Variants in FMNL2 observed in about 807,000 individuals in gnomAD.
FMNL2 encodes the protein formin like 2.
In FMNL2, 51 loss-of-function variants were observed where a neutral mutation model predicts 130.2. The observed-to-expected ratio is 0.39, with a 90% confidence interval of 0.31 to 0.49. The LOEUF (loss-of-function observed/expected upper bound fraction) is 0.49. Among genes scored for constraint, FMNL2 ranks in the 20% least tolerant of loss-of-function variants. The pLI, the probability that FMNL2 is intolerant of heterozygous loss-of-function variation, is 0.85. For synonymous variants in FMNL2, 465 were observed against 467.1 expected, an observed-to-expected ratio of 1.00 and a Z score of 0.06; for missense variants, 977 against 1,316.2, an observed-to-expected ratio of 0.74 and a Z score of 3.99.
intron 4 of FMNL2, among the ~76,000 whole-genome samples, chr2:152,553,986 T>C (rs928157031): frequency 3.3e-5 from 5 of 152,210 alleles, no homozygotes; most frequent in African/African-American, 9.6e-5. Context: ...TTTTAAATGG[T>C]CTTTTCAGAT....
chr2:152,422,227 C>G (rs1444731480), intron 1 of FMNL2, among the ~76,000 whole-genome samples: 1 of 152,200 alleles, frequency 6.6e-6, no homozygotes, highest in Non-Finnish European at 1.5e-5. Context: ...AAACATTCTT[C>G]CCAGAAGCTG....
intron 1 of FMNL2, among the ~76,000 whole-genome samples, chr2:152,360,562 T>C (rs1417156577): frequency 6.6e-6 from 1 of 152,146 alleles, no homozygotes; most frequent in African/African-American, 2.4e-5. Flanking sequence ...TGAAAGTAAA[T>C]ACTCATGGCC....
intron 1 of FMNL2, among the ~76,000 whole-genome samples, chr2:152,346,144 C>T (rs1682108501): frequency 6.6e-6 from 1 of 152,144 alleles, no homozygotes; most frequent in Non-Finnish European, 1.5e-5. Flanking sequence ...CCTGCCTCAG[C>T]CTCCAGAGTG....
intron 10 of FMNL2, among the ~76,000 whole-genome samples, chr2:152,608,420 T>G (rs1314448404): frequency 6.8e-6 from 1 of 147,906 alleles, no homozygotes; most frequent in African/African-American, 2.5e-5. Context: ...ATATGCGTCT[T>G]AGCCCTCAGC....
At chr2:152,389,876 A>G in intron 1 of FMNL2, 14 of 1,027,448 alleles carry the variant, frequency 1.4e-5, no homozygotes, top group Non-Finnish European at 2.1e-5. Context: ...CAGCTGGCAC[A>G]GAAGGCCCGG....
intron 14 of FMNL2, 76 bp downstream of exon 14, chr2:152,619,234 G>T: frequency 6.8e-7 from 1 of 1,463,262 alleles, no homozygotes; most frequent in Non-Finnish European, 9.1e-7. Flanking sequence ...GTCCACTTCT[G>T]TCCTTTGTCC....
intron 1 of FMNL2, among the ~76,000 whole-genome samples, chr2:152,362,756 T>G (rs1319993872): frequency 6.6e-6 from 1 of 152,210 alleles, no homozygotes; most frequent in East Asian, 1.9e-4. Context: ...AATACCTTAT[T>G]AACTTTAACT....
intron 1 of FMNL2, among the ~76,000 whole-genome samples, chr2:152,470,894 G>T (rs1347156782): frequency 2.0e-5 from 3 of 152,154 alleles, no homozygotes; most frequent in African/African-American, 7.2e-5. Context: ...TTTGAAAGTG[G>T]GAGCAGAGCA....
chr2:152,404,297 T>C (rs1038326584), intron 1 of FMNL2, among the ~76,000 whole-genome samples: 1 of 152,232 alleles, frequency 6.6e-6, no homozygotes, highest in Non-Finnish European at 1.5e-5. Context: ...AAGCTTTTCC[T>C]TTCCTACATA....
At chr2:152,347,005 C>T (rs1192630177) in intron 1 of FMNL2, among the ~76,000 whole-genome samples, 1 of 151,976 alleles carries the variant, frequency 6.6e-6, no homozygotes, top group Non-Finnish European at 1.5e-5. Flanking sequence ...GCAGGAGAAT[C>T]GCTTGAACCT....
chr2:152,440,227 T>G (rs1263556831), intron 1 of FMNL2, among the ~76,000 whole-genome samples: 1 of 152,158 alleles, frequency 6.6e-6, no homozygotes, highest in Non-Finnish European at 1.5e-5. Context: ...AGTGTTGGAT[T>G]AGAGGCGTGA....
At chr2:152,365,448 T>G (rs1184283393) in intron 1 of FMNL2, among the ~76,000 whole-genome samples, 1 of 152,156 alleles carries the variant, frequency 6.6e-6, no homozygotes, top group Admixed American at 6.5e-5. Flanking sequence ...CTGGGATGGC[T>G]TAGAGTGGAC....
At chr2:152,378,037 G>C (rs1270484993) in intron 1 of FMNL2, among the ~76,000 whole-genome samples, 2 of 151,576 alleles carry the variant, frequency 1.3e-5, no homozygotes. Context: ...GCTTGAACCC[G>C]GGAGGTGGAG....
At chr2:152,582,866 C>T (rs1696870361) in intron 9 of FMNL2, among the ~76,000 whole-genome samples, 1 of 152,022 alleles carries the variant, frequency 6.6e-6, no homozygotes, top group African/African-American at 2.4e-5. Flanking sequence ...GTTATAATGA[C>T]TCATATTATA....
At chr2:152,496,640 C>T (rs1213617074) in intron 1 of FMNL2, among the ~76,000 whole-genome samples, 1 of 152,126 alleles carries the variant, frequency 6.6e-6, no homozygotes, top group African/African-American at 2.4e-5. Flanking sequence ...TCTGTCATCC[C>T]GTCATATGAG....
intron 13 of FMNL2, among the ~76,000 whole-genome samples, chr2:152,618,594 A>T (rs957072126): frequency 2.6e-5 from 4 of 152,198 alleles, no homozygotes; most frequent in African/African-American, 7.2e-5. Context: ...TTCCACCTGC[A>T]GGGAAAATTG....
chr2:152,476,277 A>G (rs1690147846), intron 1 of FMNL2, among the ~76,000 whole-genome samples: 1 of 152,228 alleles, frequency 6.6e-6, no homozygotes, highest in Non-Finnish European at 1.5e-5. Context: ...TATTTGTATT[A>G]CTTAAAGCAC....
chr2:152,639,846 C>G, intron 23 of FMNL2, 112 bp from the exon 24 acceptor site: 1 of 862,804 alleles, frequency 1.2e-6, no homozygotes, highest in Non-Finnish European at 1.7e-6. Context: ...TCTCAACCTT[C>G]CATTTATTGT....
At chr2:152,383,488 T>A (rs1684606581) in intron 1 of FMNL2, among the ~76,000 whole-genome samples, 1 of 152,020 alleles carries the variant, frequency 6.6e-6, no homozygotes, top group African/African-American at 2.4e-5. Context: ...TAGTCCTAGC[T>A]ACTAGGGAGG....
Sources: allele counts gnomAD v4.1 joint callset (sites outside exome capture counted in the v4.1 genomes callset), GRCh38; gene constraint gnomAD v4.1.1; transcripts MANE v1.5; gene names NCBI Gene and HGNC (gene_info 2026-07-23, HGNC 2026-07-21).